Variants in RAB11A observed in about 807,000 individuals in gnomAD.
RAB11A encodes the protein ras-related protein Rab-11A.
A neutral mutation model predicts 28.0 loss-of-function variants in RAB11A; 9 were observed. The observed-to-expected ratio is 0.32, with a 90% CI of 0.19 to 0.56. The LOEUF is 0.56. Ranked by LOEUF, RAB11A falls within the 20% of genes least tolerant of loss-of-function variation. The pLI is 0.91. For synonymous variants in RAB11A, 85 were observed against 88.2 expected (o/e 0.96, Z 0.20); for missense variants, 108 against 269.6 (o/e 0.40, Z 4.20).
chr15:65,869,757 T>G, intron 1 of RAB11A, 132 bp downstream of exon 1: 1 of 965,640 alleles, frequency 1.0e-6, no homozygotes, highest in Non-Finnish European at 1.5e-6. Flanking sequence ...TGCGGTTCCG[T>G]CTCCTACCCA....
rs1351370514 is a variant in RAB11A, at chr15:65,888,665, G to C, written c.*825G>C. 1 of 152,514 alleles carries C rather than the reference G, an allele frequency of 6.6e-6. No homozygotes were observed. Among genetic ancestry groups the C allele is most frequent in the African/African-American group, 2.4e-5 (1 of 41,400 alleles). 9.4% of individuals were successfully genotyped at this position (152,514 alleles called of 1,614,324 possible). Reference sequence around the variant, plus strand: ...GATTATGTGGCATTTTATTGCTCAGGCAATAATTGGTTTAATGCTGGTAGT... The same window carrying C: ...GATTATGTGGCATTTTATTGCTCAGCCAATAATTGGTTTAATGCTGGTAGT... On this transcript the variant is annotated 3_prime_UTR_variant, in exon 5 of 5. Transcript: ENST00000261890.
intron 1 of RAB11A, among the ~76,000 whole-genome samples, chr15:65,871,966 C>T (rs1345692512): frequency 8.9e-6 from 1 of 112,702 alleles, no homozygotes; most frequent in African/African-American, 3.5e-5. Flanking sequence ...GGGTCTCGCT[C>T]TGTCCCCCAG....
chr15:65,869,919 C>T (rs568508119), intron 1 of RAB11A: 103 of 305,084 alleles, frequency 3.4e-4, no homozygotes, highest in African/African-American at 2.0e-3. Flanking sequence ...AATTCCTTTC[C>T]CCGGGTTCTA....
Position 65,890,494 on chromosome 15 carries a change from C to T in RAB11A, c.*2654C>T, listed in dbSNP as rs534449593. 1 of 152,088 alleles carries T rather than the reference C, an allele frequency of 6.6e-6. No homozygotes were observed. The highest frequency in any genetic ancestry group is 6.5e-5 in the Admixed American group (1 of 15,274). 9.4% of individuals were successfully genotyped at this position (152,088 alleles called of 1,614,324 possible). ...TCATTATGTAAGGGTAAGTTATTGC[C>T]CATTTAATTGTAATTATAAGAAGAG... On this transcript the variant is annotated 3_prime_UTR_variant, in exon 5 of 5. Transcript: ENST00000261890.
chr15:65,871,927 T>TG (rs1320100659), intron 1 of RAB11A, among the ~76,000 whole-genome samples: 2 of 128,592 alleles, frequency 1.6e-5, no homozygotes, highest in Non-Finnish European at 3.3e-5. Flanking sequence ...CAGTTTTTTT[T>TG]TTTTTTTTTT....
intron 1 of RAB11A, among the ~76,000 whole-genome samples, chr15:65,871,097 T>C (rs1204893556): frequency 6.6e-6 from 1 of 152,188 alleles, no homozygotes; most frequent in African/African-American, 2.4e-5. Context: ...GTGTTAAGCA[T>C]GGTGACTGTT....
rs771181166 is a variant in RAB11A at position 65,887,839 on chromosome 15, A to G, written c.650A>G (p.Ter217=). Reference sequence around the variant, plus strand: ...AAGGTGCAGTGCTGTCAGAACATCTAAGGCATTTCTCTTCTCCCCTAGAAG... The same window carrying G: ...AAGGTGCAGTGCTGTCAGAACATCTGAGGCATTTCTCTTCTCCCCTAGAAG... ...KPKVQCCQNI[*] is the part of the protein sequence containing the mutation. The change falls in exon 5 of 5, where the codon TAA becomes TGA. Residue 217 remains the stop codon, a stop_retained_variant. Coordinates refer to ENST00000261890, the MANE Select transcript of RAB11A (RefSeq NM_004663.5). 12 of 1,605,292 alleles carry G rather than the reference A, an allele frequency of 7.5e-6. No individual in the cohort carries two copies. In the African/African-American group the frequency reaches 9.4e-5, roughly 13 times the overall value.
Position 65,877,747 on chromosome 15 carries a change from T to C in RAB11A, c.237-15T>C. The C allele has an allele frequency of 2.6e-6, 4 of 1,559,644 alleles. No homozygotes were observed. Among genetic ancestry groups the C allele is most frequent in the Non-Finnish European group, 3.5e-6 (4 of 1,143,088 alleles). ...TCTTGTGGTTTTCTGATACTAAATA[T>C]GTTTCTGTTTTCAGATATTATCGTG... is the stretch of plus-strand genomic sequence containing the variant. On this transcript the variant is annotated splice_polypyrimidine_tract_variant and intron_variant, in intron 2 of 4. Coordinates refer to ENST00000261890, the MANE Select transcript of RAB11A (RefSeq NM_004663.5). The surrounding 1 kb of genome is among the most constrained non-coding windows in gnomAD (Gnocchi z 4.1).
rs1130816 is a variant in RAB11A at position 65,888,780 on chromosome 15, G to T, written c.*940G>T. ...ATCACCATATCCACCAGCAGGCATG[G>T]ATAATTATTTTAACAATGCTAATAT... On this transcript the variant is annotated 3_prime_UTR_variant, in exon 5 of 5. Transcript: ENST00000261890. The T allele has an allele frequency of 1.3e-5, 2 of 152,520 alleles. No homozygotes were observed. Among genetic ancestry groups the T allele is most frequent in the Non-Finnish European group, 2.9e-5 (2 of 68,030 alleles). 9.4% of individuals were successfully genotyped at this position (152,520 alleles called of 1,614,324 possible). A position where few individuals can be genotyped will look rare whatever the true frequency, so the allele number is the denominator to read the frequency against.
chr15:65,879,995 ATTAC>A (rs2078212691), intron 4 of RAB11A, among the ~76,000 whole-genome samples: 1 of 152,316 alleles, frequency 6.6e-6, no homozygotes, highest in East Asian at 1.9e-4. Flanking sequence ...CACTTCCATT[ATTAC>A]TTCAGTCCAG....
At position 65,888,066 on chromosome 15, in the gene RAB11A, T is replaced by G; in HGVS notation, c.*226T>G. On this transcript the variant is annotated 3_prime_UTR_variant, in exon 5 of 5. Coordinates refer to ENST00000261890, the MANE Select transcript of RAB11A (RefSeq NM_004663.5). The stretch of plus-strand genomic sequence containing the variant: ...CTTCACTAGCCTTAGTTTAATAAAC[T>G]GAATGTTTGGATTCCTCAGTTATTG... 1 of 414,472 alleles carries G rather than the reference T, an allele frequency of 2.4e-6. No homozygotes were observed. Among genetic ancestry groups the G allele is most frequent in the South Asian group, 6.1e-5 (1 of 16,366 alleles). 25.7% of individuals were successfully genotyped at this position (414,472 alleles called of 1,614,324 possible). A position where few individuals can be genotyped will look rare whatever the true frequency, so the allele number is the denominator to read the frequency against.
rs1292451720 is a variant in RAB11A, at chr15:65,890,316, CAAAGTGCTGGGATT to C, written c.*2481_*2494del. The stretch of plus-strand genomic sequence containing the variant: ...TGGTGATACACCCACCTCGGCCTCC[CAAAGTGCTGGGATT>C]AAAGGCGTGAGCCACCGTGCCTGGC... On this transcript the variant is annotated 3_prime_UTR_variant, in exon 5 of 5. Coordinates refer to ENST00000261890, the MANE Select transcript of RAB11A (RefSeq NM_004663.5). 2 of 152,226 alleles carry C rather than the reference CAAAGTGCTGGGATT, an allele frequency of 1.3e-5. No individual in the cohort carries two copies. The highest frequency in any genetic ancestry group is 2.9e-5 in the Non-Finnish European group (2 of 68,116). 9.4% of individuals were successfully genotyped at this position (152,226 alleles called of 1,614,324 possible). A position where few individuals can be genotyped will look rare whatever the true frequency, so the allele number is the denominator to read the frequency against.
chr15:65,885,928 A>G (rs1249619310), intron 4 of RAB11A, among the ~76,000 whole-genome samples: 3 of 152,366 alleles, frequency 2.0e-5, no homozygotes, highest in Non-Finnish European at 4.4e-5. Context: ...TGAGGGGATT[A>G]CTGGGGAGGA....
chr15:65,870,024 CCCCTCTGACGGGTTCTTCGCTT>C (rs2078149024), intron 1 of RAB11A: 1 of 174,802 alleles, frequency 5.7e-6, no homozygotes, highest in Non-Finnish European at 1.2e-5. Flanking sequence ...TCTCCCGAAG[CCCCTCTGACGGGTTCTTCGCTT>C]CCCTCTTGGC....
chr15:65,871,935 T>G (rs1366278176), intron 1 of RAB11A, among the ~76,000 whole-genome samples: 23 of 135,906 alleles, frequency 1.7e-4, no homozygotes, highest in African/African-American at 5.8e-4. Context: ...TTTTTTTTTT[T>G]TTTTTTTTTT....
chr15:65,880,268 A>G (rs1014922006), intron 4 of RAB11A, among the ~76,000 whole-genome samples: 5 of 152,216 alleles, frequency 3.3e-5, no homozygotes, highest in African/African-American at 1.2e-4. Context: ...GCATATAGAA[A>G]AGTTTTAAAA....
chr15:65,887,298 C>T (rs909175310), intron 4 of RAB11A, among the ~76,000 whole-genome samples: 1 of 152,004 alleles, frequency 6.6e-6, no homozygotes, highest in East Asian at 1.9e-4. Context: ...CTCAGCCTCC[C>T]GAGTAGCTGG....
intron 1 of RAB11A, among the ~76,000 whole-genome samples, chr15:65,870,674 G>T (rs117549656): frequency 2.6e-5 from 4 of 152,336 alleles, no homozygotes; most frequent in Non-Finnish European, 5.9e-5. Flanking sequence ...GATCCAACAG[G>T]AAGGGAAGAG....
intron 3 of RAB11A, among the ~76,000 whole-genome samples, chr15:65,878,784 A>G (rs895920595): frequency 6.6e-6 from 1 of 152,228 alleles, no homozygotes; most frequent in Non-Finnish European, 1.5e-5. Flanking sequence ...TTCCCATGCA[A>G]GAATAGCTTT....
Sources: allele counts gnomAD v4.1 joint callset (sites outside exome capture counted in the v4.1 genomes callset), GRCh38; gene constraint gnomAD v4.1.1; non-coding constraint Gnocchi (gnomAD v3.1); transcripts MANE v1.5; gene names NCBI Gene and HGNC (gene_info 2026-07-23, HGNC 2026-07-21).